The following LIPF variants were observed in gnomAD, a reference collection of about 807,000 sequenced individuals.
LIPF encodes the protein lipase F, gastric type.
LIPF carries 25 observed loss-of-function variants against 38.0 expected under a neutral mutation model. The ratio of observed to expected loss-of-function variants is 0.66; its 90% CI spans 0.48 to 0.92. LIPF has a LOEUF of 0.92. Among genes scored for constraint, LIPF ranks in the 40% least tolerant of loss-of-function variants. The probability of loss-of-function intolerance (pLI) is 0.00; values close to 1 mark genes in which losing one functional copy is unlikely to be tolerated. For missense variants in LIPF, 410 were observed against 469.9 expected (o/e 0.87, Z 1.18); for synonymous variants, 161 against 156.2 (o/e 1.03, Z -0.23).
chr10:88,677,402 C>T (rs1304078829), intron 9 of LIPF, among the ~76,000 whole-genome samples: 3 of 152,102 alleles, frequency 2.0e-5, no homozygotes, highest in Non-Finnish European at 4.4e-5. Context: ...CCAACTAAAC[C>T]AATAATATAC....
chr10:88,678,532 G>C lies in LIPF; in HGVS notation c.1048G>C (p.Asp350His), dbSNP rs768207904. 4.3e-6 allele frequency: 7 copies of C among 1,614,018 alleles called. No homozygotes were observed. Among genetic ancestry groups the C allele is most frequent in the Non-Finnish European group, 5.9e-6 (7 of 1,179,956 alleles). Residue 350 changes from aspartate (D) to histidine (H), a missense_variant, in exon 10 of 10, where the codon GAT becomes CAT. By Grantham distance (81) the Asp-to-His change is moderately conservative. Coordinates refer to ENST00000238983, the MANE Select transcript of LIPF (RefSeq NM_004190.4). ...GGKDLLADPQ[D>H]VGLLLPKLPN... is the part of the protein sequence containing the mutation. ...CAAGGACCTGTTGGCTGACCCCCAA[G>C]ATGTTGGCCTTTTGCTTCCAAAACT...
intron 1 of LIPF, chr10:88,665,555 A>G (rs1241689832): frequency 6.5e-7 from 1 of 1,535,288 alleles, no homozygotes; most frequent in East Asian, 2.4e-5. Flanking sequence ...TCTCCAACGC[A>G]AACAGTAGGT....
intron 1 of LIPF, chr10:88,665,543 G>A (rs974678486): frequency 1.3e-6 from 2 of 1,535,240 alleles, no homozygotes; most frequent in African/African-American, 1.4e-5. Flanking sequence ...CCATTGAGAT[G>A]TTCTCCAACG....
chr10:88,672,670 A>ACACACACACACTCTCTCT (rs869259093), intron 6 of LIPF, among the ~76,000 whole-genome samples: 4 of 110,500 alleles, frequency 3.6e-5, no homozygotes, highest in African/African-American at 1.4e-4. Context: ...ACACACACAC[A>ACACACACACACTCTCTCT]CTCTCTCTCT....
chr10:88,675,851 A>C (rs1002097091), intron 8 of LIPF, among the ~76,000 whole-genome samples, 194 bp downstream of exon 8: 22 of 152,130 alleles, frequency 1.4e-4, no homozygotes, highest in African/African-American at 5.1e-4. Flanking sequence ...TTATTATTAT[A>C]CTTTAAGTTT....
chr10:88,668,245 C>T (rs1216618849), intron 3 of LIPF, among the ~76,000 whole-genome samples: 12 of 152,046 alleles, frequency 7.9e-5, no homozygotes, highest in African/African-American at 2.9e-4. Flanking sequence ...CGTAATTTTA[C>T]CACTCACAGT....
chr10:88,665,579 TTTACAATGGCAAATCACTTAATGGAGG>T, intron 1 of LIPF: 2 of 1,526,912 alleles, frequency 1.3e-6, no homozygotes, highest in Non-Finnish European at 1.8e-6. Flanking sequence ...GTGTCCTCAC[TTTACAATGGCAAATCACTTAATGGAGG>T]TCATGTGGGT....
rs1841528487 is a variant in LIPF, at chr10:88,667,387, A to C, written c.90A>C (p.Glu30Asp). Reference protein sequence around the residue: ...LFGKLHPGSPEVTMNISQMIT... With the variant: ...LFGKLHPGSPDVTMNISQMIT... ...GAAAATTACATCCTGGAAGCCCTGA[A>C]GTGACTATGAACATTGTAAGTTACT... Residue 30 changes from glutamate (E) to aspartate (D), a missense_variant, in exon 2 of 10, where the codon GAA becomes GAC. Physicochemically the swap from Glu to Asp is conservative, Grantham distance 45. Coordinates refer to ENST00000238983, the MANE Select transcript of LIPF (RefSeq NM_004190.4). 6.3e-7 allele frequency: 1 copy of C among 1,590,774 alleles called. No homozygotes were observed. Among genetic ancestry groups the C allele is most frequent in the Admixed American group, 1.7e-5 (1 of 59,966 alleles).
intron 6 of LIPF, among the ~76,000 whole-genome samples, chr10:88,672,189 A>G (rs757986856): frequency 2.0e-4 from 31 of 152,202 alleles, no homozygotes; most frequent in Non-Finnish European, 3.4e-4. Context: ...GTGAGTCAGC[A>G]ATGCCTGGGA....
intron 3 of LIPF, 98 bp from the exon 4 acceptor site, chr10:88,668,460 G>A (rs1841546726): frequency 2.0e-6 from 2 of 977,478 alleles, no homozygotes; most frequent in South Asian, 1.7e-5. Flanking sequence ...TCAGGCAAAT[G>A]TATTTAGTGC....
intron 4 of LIPF, 149 bp from the exon 5 acceptor site, chr10:88,669,688 C>T: frequency 1.9e-6 from 1 of 528,010 alleles, no homozygotes; most frequent in Non-Finnish European, 3.4e-6. Flanking sequence ...CCCCAAAGGG[C>T]ACCTGACATC....
At chr10:88,668,306 T>C (rs1181830749) in intron 3 of LIPF, among the ~76,000 whole-genome samples, 1 of 152,204 alleles carries the variant, frequency 6.6e-6, no homozygotes, top group Non-Finnish European at 1.5e-5. Context: ...ATTTTTTCAA[T>C]AGTTTTATTG....
In LIPF at chr10:88,667,317, T is replaced by C. The variant is rs1171112576; in HGVS notation, c.20T>C (p.Met7Thr). 1.9e-6 allele frequency: 3 copies of C among 1,612,430 alleles called. No individual in the cohort carries two copies. The African/African-American group carries it at 4.0e-5, about 22-fold the overall frequency. The change falls in exon 2 of 10, where the codon ATG (methionine) becomes ACG (threonine). Residue 7 changes from methionine to threonine, a missense_variant. Physicochemically the swap from Met to Thr is moderately conservative, Grantham distance 81. Transcript: ENST00000238983. Reference protein sequence around the residue: MWLLLTMASLISVLGTT... With the variant: MWLLLTTASLISVLGTT... ...TCCAAAATGTGGCTGCTTTTAACAA[T>C]GGCAAGTTTGATATCTGTACTGGGG...
In LIPF at chr10:88,676,201, T is replaced by C; in HGVS notation, c.889-8T>C. 2.6e-6 allele frequency: 4 copies of C among 1,546,352 alleles called. No individual in the cohort carries two copies. The highest frequency in any genetic ancestry group is 2.6e-6 in the Non-Finnish European group (3 of 1,134,732). ...TTTATTTGTTTGCTTTTAATTTCTC[T>C]ATGTTAGGCTGTTAAGTCTGGGAAA... is the stretch of plus-strand genomic sequence containing the variant. On this transcript the variant is annotated splice_region_variant and splice_polypyrimidine_tract_variant and intron_variant, in intron 8 of 9. Transcript: ENST00000238983.
chr10:88,678,659 T>G lies in LIPF; in HGVS notation c.1175T>G (p.Met392Arg). The change falls in exon 10 of 10, where the codon ATG becomes AGG. Residue 392 changes from methionine to arginine, a missense_variant. Coordinates refer to ENST00000238983, the MANE Select transcript of LIPF (RefSeq NM_004190.4). ...GAAGTTTACAATGACATTGTTTCTA[T>G]GATATCAGAAGATAAAAAGTAGTTC... ...PQEVYNDIVSMISEDKK is the reference protein window; with the variant it reads ...PQEVYNDIVSRISEDKK The G allele has an allele frequency of 6.2e-7, 1 of 1,608,488 alleles. No homozygotes were observed. Among genetic ancestry groups the G allele is most frequent in the South Asian group, 1.1e-5 (1 of 90,970 alleles).
intron 3 of LIPF, 118 bp from the exon 4 acceptor site, chr10:88,668,440 A>G: frequency 1.2e-6 from 1 of 854,250 alleles, no homozygotes; most frequent in Non-Finnish European, 1.8e-6. Context: ...TTCAAAAATA[A>G]TCAACTCAAT....
At chr10:88,678,081 A>G (rs539189450) in intron 9 of LIPF, among the ~76,000 whole-genome samples, 5 of 152,340 alleles carry the variant, frequency 3.3e-5, no homozygotes, top group African/African-American at 9.6e-5. Flanking sequence ...GTTGCAATCT[A>G]TGTTCTTAAT....
chr10:88,667,275 C>T lies in LIPF; in HGVS notation c.-11-12C>T. ...TGGATTAACCATGGCACGGGTTATTCTTTTCTTTCAGGCAGGTCCAAAATG... is the reference window on the plus strand; with the variant it reads ...TGGATTAACCATGGCACGGGTTATTTTTTTCTTTCAGGCAGGTCCAAAATG... On this transcript the variant is annotated splice_polypyrimidine_tract_variant and intron_variant, in intron 1 of 9. Coordinates refer to ENST00000238983, the MANE Select transcript of LIPF (RefSeq NM_004190.4). The T allele has an allele frequency of 6.7e-7, 1 of 1,481,626 alleles. No individual in the cohort carries two copies. The highest frequency in any genetic ancestry group is 9.4e-7 in the Non-Finnish European group (1 of 1,062,822). The allele number at this position is 1,481,626 out of a possible 1,614,324, so 91.8% of individuals were successfully genotyped here. A position where few individuals can be genotyped will look rare whatever the true frequency, so the allele number is the denominator to read the frequency against.
chr10:88,668,653 G>A lies in LIPF; in HGVS notation c.319G>A (p.Ala107Thr). ...GAACAACAGCCTTGCCTTCATTCTG[G>A]CAGATGCTGGTTATGATGTGTGGCT... ...LPNNSLAFILADAGYDVWLGN... is the reference protein window; with the variant it reads ...LPNNSLAFILTDAGYDVWLGN... The change falls in exon 4 of 10, where the codon GCA becomes ACA. Residue 107 changes from alanine (A) to threonine (T), a missense_variant. Transcript: ENST00000238983. 6.2e-7 allele frequency: 1 copy of A among 1,614,160 alleles called. No individual in the cohort carries two copies. Among genetic ancestry groups the A allele is most frequent in the Non-Finnish European group, 8.5e-7 (1 of 1,180,016 alleles).
Sources: allele counts gnomAD v4.1 joint callset (sites outside exome capture counted in the v4.1 genomes callset), GRCh38; gene constraint gnomAD v4.1.1; transcripts MANE v1.5; gene names NCBI Gene and HGNC (gene_info 2026-07-23, HGNC 2026-07-21).